Variants in PRKAR1B observed in about 807,000 individuals in gnomAD.
PRKAR1B encodes the protein cAMP-dependent protein kinase type I-beta regulatory subunit.
Under a neutral mutation model 46.5 loss-of-function variants are expected in PRKAR1B, and 22 were observed. The ratio of observed to expected loss-of-function variants is 0.47; its 90% CI spans 0.34 to 0.68. PRKAR1B has a LOEUF of 0.68. PRKAR1B is among the 30% of genes least tolerant of loss of function. PRKAR1B has a pLI of 0.01. For missense variants in PRKAR1B, 445 were observed against 535.6 expected (o/e 0.83, Z 1.67); for synonymous variants, 259 against 217.7 (o/e 1.19, Z -1.67).
At chr7:678,696 T>C (rs1778482011) in intron 3 of PRKAR1B, among the ~76,000 whole-genome samples, 1 of 152,258 alleles carries the variant, frequency 6.6e-6, no homozygotes, top group Non-Finnish European at 1.5e-5. Context: ...GGCTTAGGTG[T>C]GCTGCGTGTA....
intron 4 of PRKAR1B, among the ~76,000 whole-genome samples, chr7:632,433 C>T (rs914520473): frequency 7.2e-5 from 11 of 152,128 alleles, no homozygotes; most frequent in Non-Finnish European, 1.5e-4. Flanking sequence ...CAGGCTCCAC[C>T]GGGGGGGTCT....
At chr7:652,297 C>A (rs540548043) in intron 4 of PRKAR1B, among the ~76,000 whole-genome samples, 1 of 148,894 alleles carries the variant, frequency 6.7e-6, no homozygotes, top group Non-Finnish European at 1.5e-5. Flanking sequence ...TTCACACCCA[C>A]GCAGCGCTAG....
intron 8 of PRKAR1B, among the ~76,000 whole-genome samples, chr7:580,612 C>T (rs906933513): frequency 2.0e-5 from 3 of 152,110 alleles, no homozygotes; most frequent in Admixed American, 2.0e-4. Flanking sequence ...TCAATGTTAT[C>T]TTTCCGCCCT....
rs985291063 is a variant in PRKAR1B, at chr7:560,689, C to T, written c.892-9219G>A. Among the ~76,000 whole-genome samples the T allele has an allele frequency of 1.3e-5, 2 of 152,228 alleles. No individual in the cohort carries two copies. Among genetic ancestry groups the T allele is most frequent in the African/African-American group, 4.8e-5 (2 of 41,458 alleles). The stretch of plus-strand genomic sequence containing the variant: ...TCTCAGGCAAGGCCCATAGCTGCTC[C>T]AGCCTCAGCTGCCTCATCTGTTATA... On this transcript the variant is annotated intron_variant, in intron 9 of 10. Coordinates refer to ENST00000537384, the MANE Select transcript of PRKAR1B (RefSeq NM_001164760.2). The surrounding 1 kb of genome is among the most constrained non-coding windows in gnomAD (Gnocchi z 4.2).
chr7:717,654 C>T (rs1780928035), intron 1 of PRKAR1B, among the ~76,000 whole-genome samples: 1 of 152,086 alleles, frequency 6.6e-6, no homozygotes, highest in Non-Finnish European at 1.5e-5. Flanking sequence ...TGAGACCTTG[C>T]CTCAAAACCA....
At chr7:551,823 C>T (rs1784229445) in intron 9 of PRKAR1B, among the ~76,000 whole-genome samples, 3 of 144,644 alleles carry the variant, frequency 2.1e-5, no homozygotes, top group African/African-American at 7.8e-5. Flanking sequence ...CCCCACCTCC[C>T]ACCCAGGTCC....
chr7:629,196 C>G (rs909826870), intron 4 of PRKAR1B, among the ~76,000 whole-genome samples: 2 of 152,260 alleles, frequency 1.3e-5, no homozygotes, highest in Non-Finnish European at 2.9e-5. Flanking sequence ...TGACAGGATT[C>G]CAGGCAGCTG....
At chr7:557,833 C>T (rs1778542389) in intron 9 of PRKAR1B, among the ~76,000 whole-genome samples, 1 of 152,084 alleles carries the variant, frequency 6.6e-6, no homozygotes, top group African/African-American at 2.4e-5. Flanking sequence ...GAAAAACATG[C>T]TTGCCAAAAC....
intron 3 of PRKAR1B, among the ~76,000 whole-genome samples, chr7:678,806 A>C (rs67525723): frequency 0.24 from 35,889 of 152,188 alleles, 5,970 homozygotes; most frequent in African/African-American, 0.47. Context: ...TAAGTGTTGG[A>C]TGGGCGTGGT....
chr7:718,326 G>A (rs1047104570), intron 1 of PRKAR1B, among the ~76,000 whole-genome samples: 1 of 139,766 alleles, frequency 7.2e-6, no homozygotes, highest in South Asian at 2.5e-4. Context: ...ATATATGTAT[G>A]TATGTATATA....
upstream of PRKAR1B, chr7:727,366 ACCTCCACCTCCGCGGC>A: frequency 1.4e-6 from 1 of 732,490 alleles, no homozygotes; most frequent in African/African-American, 5.7e-5. Flanking sequence ...TCTCACCCCC[ACCTCCACCTCCGCGGC>A]CCCTCTCACA....
intron 4 of PRKAR1B, among the ~76,000 whole-genome samples, chr7:650,186 G>A (rs1163035941): frequency 6.6e-6 from 1 of 152,100 alleles, no homozygotes; most frequent in Non-Finnish European, 1.5e-5. Context: ...GTGCAGGCAG[G>A]ACCCAGGTGT....
intron 2 of PRKAR1B, among the ~76,000 whole-genome samples, 188 bp from the exon 3 acceptor site, chr7:680,914 C>T (rs1484368826): frequency 6.6e-6 from 1 of 152,092 alleles, no homozygotes; most frequent in Non-Finnish European, 1.5e-5. Context: ...ACCCAAATTT[C>T]ACTTTGTGTC....
chr7:552,871 A>G, intron 9 of PRKAR1B, among the ~76,000 whole-genome samples: 1 of 152,246 alleles, frequency 6.6e-6, no homozygotes, highest in East Asian at 1.9e-4. Flanking sequence ...TCTCAGGGTC[A>G]CATGCCTACT....
chr7:552,455 G>C (rs1449801217), intron 9 of PRKAR1B, among the ~76,000 whole-genome samples: 3 of 125,216 alleles, frequency 2.4e-5, no homozygotes, highest in Non-Finnish European at 1.7e-5. Context: ...CCTTCCCGCA[G>C]AGCCACTGCC....
chr7:554,026 G>A (rs189490181), intron 9 of PRKAR1B, among the ~76,000 whole-genome samples: 2 of 152,258 alleles, frequency 1.3e-5, no homozygotes, highest in Non-Finnish European at 2.9e-5. Flanking sequence ...TGGAGAGAGG[G>A]AAGACTCCGT....
In PRKAR1B at chr7:697,967, A is replaced by G. The variant is rs187886216; in HGVS notation, c.177+13362T>C. On this transcript the variant is annotated intron_variant, in intron 2 of 10. Coordinates refer to ENST00000537384, the MANE Select transcript of PRKAR1B (RefSeq NM_001164760.2). Reference sequence around the variant, plus strand: ...GGACGGGAGGGAAGGGAAGGGAAGGAAGGGAAGGGAAGGGAGCGGAGGGGA... The same window carrying G: ...GGACGGGAGGGAAGGGAAGGGAAGGGAGGGAAGGGAAGGGAGCGGAGGGGA... Among the ~76,000 whole-genome samples the G allele has an allele frequency of 5.9e-3, 327 of 55,810 alleles. 4 individuals are homozygous for G. The highest frequency in any genetic ancestry group is 0.022 in the African/African-American group (306 of 13,642). 36.6% of individuals were successfully genotyped at this position (55,810 alleles called of 152,430 possible).
intron 8 of PRKAR1B, among the ~76,000 whole-genome samples, chr7:583,438 AGTG>A (rs1780341558): frequency 8.5e-6 from 1 of 117,634 alleles, no homozygotes; most frequent in African/African-American, 3.2e-5. Context: ...ACACACCCAC[AGTG>A]CACACTCACA....
chr7:620,496 T>A (rs980833277), intron 4 of PRKAR1B, among the ~76,000 whole-genome samples: 1 of 152,194 alleles, frequency 6.6e-6, no homozygotes, highest in Admixed American at 6.5e-5. Flanking sequence ...CCCCTTGGGC[T>A]CTTTTTTTTC....
Sources: allele counts gnomAD v4.1 joint callset (sites outside exome capture counted in the v4.1 genomes callset), GRCh38; gene constraint gnomAD v4.1.1; non-coding constraint Gnocchi (gnomAD v3.1); transcripts MANE v1.5; gene names NCBI Gene and HGNC (gene_info 2026-07-23, HGNC 2026-07-21).